The following SV2B variants were observed in gnomAD, a reference collection of about 807,000 sequenced individuals.
SV2B encodes the protein solute carrier family 22 member B2.
Under a neutral mutation model 73.9 loss-of-function variants are expected in SV2B, and 41 were observed. That is an observed-to-expected ratio of 0.56 (90% confidence interval 0.43 to 0.72). The LOEUF (loss-of-function observed/expected upper bound fraction) is 0.72. Ranked by LOEUF, SV2B falls within the 30% of genes least tolerant of loss-of-function variation. The pLI is 0.00. For missense variants in SV2B, 764 were observed against 857.8 expected (o/e 0.89, Z 1.37); for synonymous variants, 314 against 314.2 (o/e 1.00, Z 0.01).
At chr15:91,238,565 A>G (rs1261587310) in intron 2 of SV2B, among the ~76,000 whole-genome samples, 1 of 152,252 alleles carries the variant, frequency 6.6e-6, no homozygotes, top group Non-Finnish European at 1.5e-5. Flanking sequence ...AATAAGATGC[A>G]AGTGTGAAGT....
intron 1 of SV2B, among the ~76,000 whole-genome samples, chr15:91,173,039 G>T (rs1224664601): frequency 6.6e-6 from 1 of 152,078 alleles, no homozygotes; most frequent in Non-Finnish European, 1.5e-5. Context: ...AGGAGACTGC[G>T]CTAGGGAGAA....
At chr15:91,249,077 C>T (rs896542078) in intron 2 of SV2B, among the ~76,000 whole-genome samples, 4 of 44,850 alleles carry the variant, frequency 8.9e-5, no homozygotes, top group East Asian at 5.2e-3. Flanking sequence ...TTCACACACA[C>T]ACACACACAC....
chr15:91,208,070 T>C (rs2045710376), intron 1 of SV2B, among the ~76,000 whole-genome samples: 1 of 152,142 alleles, frequency 6.6e-6, no homozygotes, highest in Non-Finnish European at 1.5e-5. Context: ...TGCTGTTTTC[T>C]CAATTTCCAA....
chr15:91,175,668 A>G (rs1303532154), intron 1 of SV2B, among the ~76,000 whole-genome samples: 1 of 151,602 alleles, frequency 6.6e-6, no homozygotes, highest in Admixed American at 6.6e-5. Flanking sequence ...TGTCCTTTAG[A>G]CTCATGCTCT....
chr15:91,163,002 G>A (rs868847512), intron 1 of SV2B, among the ~76,000 whole-genome samples: 14 of 151,882 alleles, frequency 9.2e-5, no homozygotes, highest in African/African-American at 2.7e-4. Context: ...CTATGAGTGA[G>A]AACATGCGGT....
chr15:91,150,664 T>C (rs929897572), intron 1 of SV2B, among the ~76,000 whole-genome samples: 2 of 152,182 alleles, frequency 1.3e-5, no homozygotes, highest in African/African-American at 4.8e-5. Flanking sequence ...CATAAGCAGA[T>C]GGGTGGGCAC....
At chr15:91,266,862 T>G (rs1267500202) in intron 7 of SV2B, 170 bp downstream of exon 7, 2 of 523,160 alleles carry the variant, frequency 3.8e-6, no homozygotes, top group Non-Finnish European at 3.4e-6. Context: ...TGCCTCTAGC[T>G]TGCTGTGTGC....
Position 91,149,837 on chromosome 15 carries a change from A to G in SV2B, c.-392+49474A>G, listed in dbSNP as rs116267204. Among the ~76,000 whole-genome samples the G allele has an allele frequency of 2.0e-3, 307 of 152,318 alleles. 3 individuals are homozygous for G. The highest frequency in any genetic ancestry group is 7.1e-3 in the African/African-American group (296 of 41,562). On this transcript the variant is annotated intron_variant, in intron 1 of 12. Coordinates refer to ENST00000394232, the MANE Select transcript of SV2B (RefSeq NM_001323032.3). Reference sequence around the variant, plus strand: ...CATGATACTTGCTGGTTCCCTCCCAAGAAGATGACCTTTCAAATGTGTCAT... The same window carrying G: ...CATGATACTTGCTGGTTCCCTCCCAGGAAGATGACCTTTCAAATGTGTCAT...
At position 91,204,206 on chromosome 15, in the gene SV2B, G is replaced by A. The variant is rs112841209; in HGVS notation, c.-391-21667G>A. Among the ~76,000 whole-genome samples, 1,317 of 152,234 alleles carry A rather than the reference G, an allele frequency of 8.7e-3. 21 individuals are homozygous for A. The highest frequency in any genetic ancestry group is 0.03 in the African/African-American group (1,255 of 41,526). On this transcript the variant is annotated intron_variant, in intron 1 of 12. Transcript: ENST00000394232. ...CACCCGGTTCGCTTTTAAATTTAGA[G>A]CATCTCTGTTAGCCACAGGGAGTCT... is the stretch of plus-strand genomic sequence containing the variant.
intron 1 of SV2B, among the ~76,000 whole-genome samples, chr15:91,176,410 A>G (rs1321124339): frequency 2.0e-5 from 3 of 151,368 alleles, no homozygotes; most frequent in Non-Finnish European, 4.4e-5. Context: ...ATACCCCGTA[A>G]TTGGATGGCT....
intron 2 of SV2B, among the ~76,000 whole-genome samples, chr15:91,249,396 C>CT (rs1262686950): frequency 1.3e-5 from 2 of 152,140 alleles, no homozygotes; most frequent in Non-Finnish European, 2.9e-5. Context: ...TATTGAGCAC[C>CT]TTTTTTCTCA....
chr15:91,247,261 T>C (rs907565195), intron 2 of SV2B, among the ~76,000 whole-genome samples: 2 of 152,186 alleles, frequency 1.3e-5, no homozygotes, highest in Admixed American at 6.5e-5. Flanking sequence ...GGGCAAGTTA[T>C]TGACCCTTTC....
chr15:91,249,707 TG>T (rs1001730076), intron 2 of SV2B, among the ~76,000 whole-genome samples: 1 of 152,150 alleles, frequency 6.6e-6, no homozygotes, highest in Admixed American at 6.5e-5. Context: ...CACAGAAATA[TG>T]AAGGATCACA....
At chr15:91,182,620 G>T (rs183043901) in intron 1 of SV2B, among the ~76,000 whole-genome samples, 17 of 152,222 alleles carry the variant, frequency 1.1e-4, no homozygotes, top group African/African-American at 3.9e-4. Context: ...TCTCAAACAC[G>T]TGCCACTGAC....
chr15:91,226,386 G>A lies in SV2B; in HGVS notation c.123G>A (p.Glu41=). 6.2e-7 allele frequency: 1 copy of A among 1,614,192 alleles called. No homozygotes were observed. Among genetic ancestry groups the A allele is most frequent in the South Asian group, 1.1e-5 (1 of 91,074 alleles). Residue 41 remains glutamate, a synonymous_variant, in exon 2 of 13, where the codon GAG becomes GAA. Coordinates refer to ENST00000394232, the MANE Select transcript of SV2B (RefSeq NM_001323032.3). The stretch of plus-strand genomic sequence containing the variant: ...GTGATGTCACCGAAGGCCATGATGA[G>A]GAAGACGAGATCTATGAGGGCGAGT... ...AQSDVTEGHD[E]EDEIYEGEYQ...
Position 91,260,418 on chromosome 15 carries a change from G to C in SV2B, c.1008+9G>C. 6.3e-7 allele frequency: 1 copy of C among 1,593,164 alleles called. No homozygotes were observed. Among genetic ancestry groups the C allele is most frequent in the Non-Finnish European group, 8.5e-7 (1 of 1,172,840 alleles). ...CAGAGAAAGTGTTCACGGTGAGTGTGGGGTTGCCTGCCAATAAGAAGGGGG... is the reference window on the plus strand; with the variant it reads ...CAGAGAAAGTGTTCACGGTGAGTGTCGGGTTGCCTGCCAATAAGAAGGGGG... On this transcript the variant is annotated intron_variant, in intron 6 of 12. Transcript: ENST00000394232.
intron 1 of SV2B, among the ~76,000 whole-genome samples, chr15:91,181,788 G>C (rs1383800593): frequency 6.6e-6 from 1 of 151,494 alleles, no homozygotes; most frequent in Admixed American, 6.6e-5. Context: ...TAGGAGTCAT[G>C]GTTGAATCTG....
chr15:91,110,384 CACA>C lies in SV2B; in HGVS notation c.-392+10024_-392+10026del, dbSNP rs913448786. 5.3e-5 allele frequency among the ~76,000 whole-genome samples: 8 copies of C among 152,142 alleles called. No individual in the cohort carries two copies. Among genetic ancestry groups the C allele is most frequent in the African/African-American group, 1.7e-4 (7 of 41,434 alleles). On this transcript the variant is annotated intron_variant, in intron 1 of 12. Transcript: ENST00000394232. This position sits in a 1 kb window ranked among gnomAD's most constrained non-coding sequence, Gnocchi z 5.4. ...CATGCTTAGAAACCCTCTGAAATGG[CACA>C]ACTAGTTCTCCCAAGCAGGTGAGAG... is the stretch of plus-strand genomic sequence containing the variant.
In SV2B at chr15:91,108,724, C is replaced by A. The variant is rs953444224; in HGVS notation, c.-392+8361C>A. Among the ~76,000 whole-genome samples, 35 of 152,210 alleles carry A rather than the reference C, an allele frequency of 2.3e-4. 1 individual carries two copies. Among genetic ancestry groups the A allele is most frequent in the Non-Finnish European group, 4.4e-4 (30 of 68,036 alleles). On this transcript the variant is annotated intron_variant, in intron 1 of 12. Transcript: ENST00000394232. ...GCTACCATTCTGACATCCCCTAGATCAAGAATCATATACTCAGCTTTCCCT... is the reference window on the plus strand; with the variant it reads ...GCTACCATTCTGACATCCCCTAGATAAAGAATCATATACTCAGCTTTCCCT...
Sources: gnomAD v4.1 joint callset for allele counts (sites outside exome capture counted in the v4.1 genomes callset) on GRCh38, gnomAD v4.1.1 for gene constraint, Gnocchi (gnomAD v3.1) non-coding constraint, MANE v1.5 for transcripts, NCBI Gene and HGNC (gene_info 2026-07-23, HGNC 2026-07-21) for gene names.